GUCY1A2: variants seen among roughly 807,000 people sequenced by gnomAD.
GUCY1A2 encodes guanylate cyclase soluble subunit alpha-2.
GUCY1A2 carries 27 observed loss-of-function variants against 63.5 expected under a neutral mutation model. The ratio of observed to expected loss-of-function variants is 0.43; its 90% CI spans 0.31 to 0.59. The LOEUF is 0.59. Among genes scored for constraint, GUCY1A2 ranks in the 20% least tolerant of loss-of-function variants. GUCY1A2 has a pLI of 0.11. For missense variants in GUCY1A2, 768 were observed against 913.3 expected, an observed-to-expected ratio of 0.84 and a Z score of 2.05; for synonymous variants, 364 against 343.5, an observed-to-expected ratio of 1.06 and a Z score of -0.66.
chr11:106,910,308 A>C (rs887775053), intron 4 of GUCY1A2, among the ~76,000 whole-genome samples: 1 of 152,050 alleles, frequency 6.6e-6, no homozygotes, highest in African/African-American at 2.4e-5. Context: ...GTAAAGGGCC[A>C]AAAATACAAC....
At chr11:106,851,189 T>G (rs555355836) in intron 4 of GUCY1A2, among the ~76,000 whole-genome samples, 204 of 151,950 alleles carry the variant, frequency 1.3e-3, no homozygotes, top group African/African-American at 1.1e-3. Context: ...AATGGGTTTT[T>G]TTTTGTTTTG....
chr11:106,712,256 TATA>T lies in GUCY1A2; in HGVS notation c.1837-3593_1837-3591del, dbSNP rs1434020493. Reference sequence around the variant, plus strand: ...ATTTCTATTGCTATGTCTTCAAATTTATAATATTTTCTTTTGCAATGTCTAATT... The same window carrying T: ...ATTTCTATTGCTATGTCTTCAAATTTATATTTTCTTTTGCAATGTCTAATT... On this transcript the variant is annotated intron_variant, in intron 6 of 7. Coordinates refer to ENST00000526355, the MANE Select transcript of GUCY1A2 (RefSeq NM_000855.3). 1.1e-4 allele frequency among the ~76,000 whole-genome samples: 17 copies of T among 152,280 alleles called. 1 individual carries two copies. The highest frequency in any genetic ancestry group is 1.0e-3 in the Admixed American group (16 of 15,292).
At chr11:106,840,806 C>T (rs532236054) in intron 4 of GUCY1A2, among the ~76,000 whole-genome samples, 3 of 151,796 alleles carry the variant, frequency 2.0e-5, no homozygotes, top group African/African-American at 7.2e-5. Flanking sequence ...CAGAAAATTC[C>T]GAACAATTCA....
At chr11:106,955,634 T>G (rs1860974091) in intron 3 of GUCY1A2, among the ~76,000 whole-genome samples, 1 of 152,216 alleles carries the variant, frequency 6.6e-6, no homozygotes, top group African/African-American at 2.4e-5. Flanking sequence ...CCCCAATCTT[T>G]TCTGGCTTGT....
chr11:106,682,435 G>A lies in GUCY1A2; in HGVS notation c.*5114C>T, dbSNP rs1035650638. The A allele has an allele frequency of 3.8e-5, 8 of 209,162 alleles. No homozygotes were observed. The highest frequency in any genetic ancestry group is 6.8e-5 in the Non-Finnish European group (7 of 102,916). 13.0% of individuals were successfully genotyped at this position (209,162 alleles called of 1,614,324 possible). A position where few individuals can be genotyped will look rare whatever the true frequency, so the allele number is the denominator to read the frequency against. ...GACCTACTGAATCCAAATCTCTGAA[G>A]GTAAAGACTAGTCTTCTGTATTCCT... On this transcript the variant is annotated 3_prime_UTR_variant, in exon 8 of 8. Coordinates refer to ENST00000526355, the MANE Select transcript of GUCY1A2 (RefSeq NM_000855.3).
At chr11:106,928,797 T>A (rs563478740) in intron 4 of GUCY1A2, among the ~76,000 whole-genome samples, 50 of 152,156 alleles carry the variant, frequency 3.3e-4, no homozygotes, top group Non-Finnish European at 5.1e-4. Context: ...TGTCTAAACA[T>A]TGAAAAGGTA....
At chr11:106,986,615 TAA>T (rs1325487745) in intron 1 of GUCY1A2, among the ~76,000 whole-genome samples, 1 of 152,186 alleles carries the variant, frequency 6.6e-6, no homozygotes, top group Non-Finnish European at 1.5e-5. Context: ...TAAATTGAGT[TAA>T]AAGAGTCAAC....
At chr11:106,688,557 T>TAAG (rs1862567859) in intron 7 of GUCY1A2, among the ~76,000 whole-genome samples, 1 of 152,096 alleles carries the variant, frequency 6.6e-6, no homozygotes, top group Non-Finnish European at 1.5e-5. Flanking sequence ...TCTGTGAATA[T>TAAG]AAGAAGTGGA....
At chr11:106,799,962 A>G (rs1008660077) in intron 5 of GUCY1A2, among the ~76,000 whole-genome samples, 22 of 152,086 alleles carry the variant, frequency 1.4e-4, no homozygotes, top group African/African-American at 7.2e-5. Context: ...GCAACCTACA[A>G]AATGGGAGAA....
intron 6 of GUCY1A2, among the ~76,000 whole-genome samples, chr11:106,753,244 T>C (rs1342172614): frequency 6.6e-6 from 1 of 152,212 alleles, no homozygotes; most frequent in African/African-American, 2.4e-5. Context: ...TTTGTTGAAG[T>C]TCTTTATAGA....
rs751459165 is a variant in GUCY1A2 at position 106,776,601 on chromosome 11, T to G, written c.1693-19A>C. 7 of 1,609,478 alleles carry G rather than the reference T, an allele frequency of 4.3e-6. No homozygotes were observed. In the South Asian group the frequency reaches 6.6e-5, roughly 15 times the overall value. ...TTTCCACCTGCAGCAATCAGACAAA[T>G]CAAATGCAAACGTATGATAATGAGC... On this transcript the variant is annotated intron_variant, in intron 5 of 7. Transcript: ENST00000526355.
intron 6 of GUCY1A2, among the ~76,000 whole-genome samples, chr11:106,729,007 C>A (rs1004563873): frequency 6.6e-6 from 1 of 152,004 alleles, no homozygotes; most frequent in Non-Finnish European, 1.5e-5. Context: ...ATTCATTCAC[C>A]AAATATTTGT....
intron 4 of GUCY1A2, among the ~76,000 whole-genome samples, chr11:106,868,270 A>G (rs913512337): frequency 6.6e-6 from 1 of 152,092 alleles, no homozygotes; most frequent in Non-Finnish European, 1.5e-5. Flanking sequence ...TGTCTCACAT[A>G]TTCAACCTAA....
intron 4 of GUCY1A2, among the ~76,000 whole-genome samples, chr11:106,885,347 A>C (rs1004992640): frequency 3.9e-5 from 6 of 152,128 alleles, no homozygotes; most frequent in African/African-American, 1.4e-4. Context: ...TCTTACATTA[A>C]CTGAGCAGCA....
intron 3 of GUCY1A2, among the ~76,000 whole-genome samples, chr11:106,963,931 G>T (rs1459910157): frequency 6.6e-6 from 1 of 152,056 alleles, no homozygotes; most frequent in African/African-American, 2.4e-5. Flanking sequence ...GAGAAAAGTT[G>T]CAAGAATAGT....
chr11:106,769,183 A>C (rs1378138783), intron 6 of GUCY1A2, among the ~76,000 whole-genome samples: 5 of 152,224 alleles, frequency 3.3e-5, no homozygotes, highest in Non-Finnish European at 7.3e-5. Flanking sequence ...AACATGACTG[A>C]AAATTAAGTG....
intron 1 of GUCY1A2, among the ~76,000 whole-genome samples, chr11:106,999,727 A>G (rs982458356): frequency 6.6e-6 from 1 of 152,174 alleles, no homozygotes; most frequent in Non-Finnish European, 1.5e-5. Context: ...TACTTTTTCC[A>G]ATTACATGTC....
Position 106,724,688 on chromosome 11 carries a change from C to G in GUCY1A2, c.1837-16022G>C, listed in dbSNP as rs560087407. On this transcript the variant is annotated intron_variant, in intron 6 of 7. Coordinates refer to ENST00000526355, the MANE Select transcript of GUCY1A2 (RefSeq NM_000855.3). ...TTATGCAATATATTATCTGCCTGCC[C>G]TTATGAGTGAGTCATTGTTACTCTC... is the stretch of plus-strand genomic sequence containing the variant. Among the ~76,000 whole-genome samples the G allele has an allele frequency of 2.6e-5, 4 of 152,290 alleles. No homozygotes were observed. In the South Asian group the frequency reaches 8.3e-4, roughly 32 times the overall value.
chr11:106,709,285 ATATATATT>A lies in GUCY1A2; in HGVS notation c.1837-627_1837-620del, dbSNP rs1381587995. Among the ~76,000 whole-genome samples the A allele has an allele frequency of 2.5e-3, 141 of 56,038 alleles. 2 individuals carry two copies. Among genetic ancestry groups the A allele is most frequent in the African/African-American group, 0.017 (129 of 7,646 alleles). 36.8% of individuals were successfully genotyped at this position (56,038 alleles called of 152,430 possible). A position where few individuals can be genotyped will look rare whatever the true frequency, so the allele number is the denominator to read the frequency against. ...TAAATATATTTATATATATAAATTT[ATATATATT>A]TATATTTTTATATTTATATATATTT... On this transcript the variant is annotated intron_variant, in intron 6 of 7. Transcript: ENST00000526355.
Sources: allele counts gnomAD v4.1 joint callset (sites outside exome capture counted in the v4.1 genomes callset), GRCh38; gene constraint gnomAD v4.1.1; transcripts MANE v1.5; gene names NCBI Gene and HGNC (gene_info 2026-07-23, HGNC 2026-07-21).